Variants in LRRC37A2 observed in about 807,000 individuals in gnomAD.
The protein encoded by LRRC37A2 is leucine-rich repeat-containing protein 37A2.
A neutral mutation model predicts 68.8 loss-of-function variants in LRRC37A2; 9 were observed. The observed-to-expected ratio is 0.13, with a 90% CI of 0.08 to 0.23. LRRC37A2 has a LOEUF of 0.23. Among genes scored for constraint, LRRC37A2 ranks in the 10% least tolerant of loss-of-function variants. The pLI is 1.00. For missense variants in LRRC37A2, 168 were observed against 950.4 expected, an observed-to-expected ratio of 0.18 and a Z score of 10.82; for synonymous variants, 63 against 367.6, an observed-to-expected ratio of 0.17 and a Z score of 9.48.
chr17:46,681,518 A>G, the LRRC37A2 span, among the ~76,000 whole-genome samples: 6 of 150,794 alleles, frequency 4.0e-5, no homozygotes, highest in African/African-American at 1.2e-4. Flanking sequence ...ATAGATTTAC[A>G]TAGATCGACA....
chr17:46,726,480 C>T, the LRRC37A2 span: 1 of 1,421,280 alleles, frequency 7.0e-7, no homozygotes, highest in Non-Finnish European at 1.0e-6. Flanking sequence ...CAAGAAGTAA[C>T]TAAACTTCTT....
the LRRC37A2 span, chr17:46,768,883 C>G: frequency 6.4e-7 from 1 of 1,550,606 alleles, no homozygotes; most frequent in Non-Finnish European, 8.7e-7. This position sits in a 1 kb window ranked among gnomAD's most constrained non-coding sequence, Gnocchi z 5.0. Context: ...CACTGCCCAC[C>G]CCCTTCCCTC....
chr17:46,917,737 T>TA, the LRRC37A2 span, among the ~76,000 whole-genome samples: 1 of 152,224 alleles, frequency 6.6e-6, no homozygotes, highest in Non-Finnish European at 1.5e-5. Flanking sequence ...CTCTCTGCAG[T>TA]ACCAGCTTTA....
At chr17:46,893,345 G>C in the LRRC37A2 span, among the ~76,000 whole-genome samples, 2 of 152,172 alleles carry the variant, frequency 1.3e-5, no homozygotes, top group Non-Finnish European at 2.9e-5. Context: ...GGCCACTGTA[G>C]TTTCAGCTTG....
At chr17:47,008,184 C>T in the LRRC37A2 span, among the ~76,000 whole-genome samples, 1 of 150,238 alleles carries the variant, frequency 6.7e-6, no homozygotes, top group Non-Finnish European at 1.5e-5. Context: ...AATCTCGGCT[C>T]ACTGCAAGCT....
chr17:47,033,956 T>C, the LRRC37A2 span, among the ~76,000 whole-genome samples: 8 of 152,252 alleles, frequency 5.3e-5, no homozygotes, highest in African/African-American at 1.7e-4. Context: ...AAAAAGGCGA[T>C]GGACTGGGAG....
the LRRC37A2 span, among the ~76,000 whole-genome samples, chr17:46,911,848 A>C: frequency 1.3e-5 from 2 of 152,326 alleles, no homozygotes; most frequent in South Asian, 4.1e-4. Flanking sequence ...ACGCCACTGC[A>C]CTCTAGCCTG....
the LRRC37A2 span, chr17:46,931,115 C>T: frequency 5.1e-5 from 82 of 1,595,980 alleles, no homozygotes; most frequent in Middle Eastern, 1.0e-3. Context: ...AAAACGAAAT[C>T]CAAGCAAGCA....
At chr17:46,832,797 C>CA in the LRRC37A2 span, 1 of 152,994 alleles carries the variant, frequency 6.5e-6, no homozygotes, top group Non-Finnish European at 1.5e-5. Flanking sequence ...CAGGGGCTGG[C>CA]AGGGCAGGGA....
At chr17:46,828,593 T>C in the LRRC37A2 span, among the ~76,000 whole-genome samples, 2 of 152,024 alleles carry the variant, frequency 1.3e-5, no homozygotes, top group Non-Finnish European at 1.5e-5. Flanking sequence ...CTGAGATGAC[T>C]TGTGGGGAGA....
At chr17:46,958,440 T>G in the LRRC37A2 span, among the ~76,000 whole-genome samples, 1 of 152,202 alleles carries the variant, frequency 6.6e-6, no homozygotes, top group Non-Finnish European at 1.5e-5. Context: ...GGCTTCCTTT[T>G]ATTCTCGAAC....
the LRRC37A2 span, chr17:46,936,219 C>T: frequency 2.0e-6 from 2 of 985,308 alleles, no homozygotes; most frequent in African/African-American, 3.5e-5. Flanking sequence ...ATTAGTCTGC[C>T]CTTTCTTTAG....
At chr17:47,045,291 C>T in the LRRC37A2 span, among the ~76,000 whole-genome samples, 1 of 143,626 alleles carries the variant, frequency 7.0e-6, no homozygotes, top group African/African-American at 2.5e-5. Context: ...CTCAATGTGG[C>T]CCCAATAAAG....
chr17:46,939,033 A>AAG, the LRRC37A2 span: 2 of 1,262,210 alleles, frequency 1.6e-6, no homozygotes, highest in Non-Finnish European at 2.0e-6. Context: ...GGGGGAGGGA[A>AAG]AGAATGGCTT....
the LRRC37A2 span, chr17:46,751,427 T>G: frequency 9.7e-7 from 1 of 1,030,950 alleles, no homozygotes; most frequent in Non-Finnish European, 1.5e-6. Context: ...ACTCTTCTTT[T>G]AAAGGTAAAT....
At chr17:46,957,584 GC>G in the LRRC37A2 span, among the ~76,000 whole-genome samples, 1 of 152,028 alleles carries the variant, frequency 6.6e-6, no homozygotes, top group Non-Finnish European at 1.5e-5. Flanking sequence ...CTGCACTCCA[GC>G]CTAGGTGACA....
the LRRC37A2 span, among the ~76,000 whole-genome samples, chr17:46,929,005 A>C: frequency 6.6e-6 from 1 of 151,964 alleles, no homozygotes; most frequent in Non-Finnish European, 1.5e-5. Flanking sequence ...TTTCTCGTGA[A>C]TCTTCCCAGG....
At chr17:46,862,496 G>T in the LRRC37A2 span, among the ~76,000 whole-genome samples, 1 of 152,208 alleles carries the variant, frequency 6.6e-6, no homozygotes, top group Non-Finnish European at 1.5e-5. Context: ...CTGGAATTTG[G>T]AATTGTGGAT....
chr17:46,949,928 A>G, the LRRC37A2 span, among the ~76,000 whole-genome samples: 6 of 152,200 alleles, frequency 3.9e-5, no homozygotes, highest in Non-Finnish European at 8.8e-5. Context: ...GGTGCCTAAG[A>G]GCAGACTCAT....
Sources: gnomAD v4.1 joint callset for allele counts (sites outside exome capture counted in the v4.1 genomes callset) on GRCh38, gnomAD v4.1.1 for gene constraint, Gnocchi (gnomAD v3.1) non-coding constraint, MANE v1.5 for transcripts, NCBI Gene and HGNC (gene_info 2026-07-23, HGNC 2026-07-21) for gene names.